DIS3L2: variants seen among roughly 807,000 people sequenced by gnomAD.
The protein encoded by DIS3L2 is DIS3 like 3'-5' exoribonuclease 2.
Under a neutral mutation model 97.5 loss-of-function variants are expected in DIS3L2, and 34 were observed. That is an observed-to-expected ratio of 0.35 (90% confidence interval 0.27 to 0.46). The LOEUF is 0.46. DIS3L2 is among the 20% of genes least tolerant of loss of function. The probability of loss-of-function intolerance (pLI) is 1.00; values close to 1 mark genes in which losing one functional copy is unlikely to be tolerated. For synonymous variants in DIS3L2, 435 were observed against 445.2 expected, an observed-to-expected ratio of 0.98 and a Z score of 0.29; for missense variants, 1,038 against 1,146.0, an observed-to-expected ratio of 0.91 and a Z score of 1.36.
At chr2:232,205,482 T>G (rs774675402) in intron 9 of DIS3L2, among the ~76,000 whole-genome samples, 4 of 152,002 alleles carry the variant, frequency 2.6e-5, no homozygotes, top group African/African-American at 4.8e-5. Flanking sequence ...TTGTATTTGT[T>G]GTAGAAACAG....
In DIS3L2 at chr2:232,031,466, T is replaced by C. The variant is rs140268019; in HGVS notation, c.366+1386T>C. Among the ~76,000 whole-genome samples the C allele has an allele frequency of 5.4e-3, 825 of 152,004 alleles. 5 individuals carry two copies. Among genetic ancestry groups the C allele is most frequent in the African/African-American group, 0.017 (719 of 41,470 alleles). On this transcript the variant is annotated intron_variant, in intron 5 of 20. Transcript: ENST00000325385. ...CACACTTATACAAATTTAAGTGTAA[T>C]TTTTATTAGTGCTGTGAAGTGCAGG...
intron 13 of DIS3L2, among the ~76,000 whole-genome samples, chr2:232,287,010 G>A (rs1303020121): frequency 6.6e-6 from 1 of 152,124 alleles, no homozygotes; most frequent in Non-Finnish European, 1.5e-5. Context: ...TGTCAAAGGT[G>A]TTTCCCTGGC....
chr2:232,023,778 A>T (rs951801009), intron 3 of DIS3L2, among the ~76,000 whole-genome samples: 1 of 152,190 alleles, frequency 6.6e-6, no homozygotes, highest in Admixed American at 6.6e-5. Flanking sequence ...GGGCCAGAGT[A>T]AAAAATAATG....
intron 10 of DIS3L2, among the ~76,000 whole-genome samples, chr2:232,222,659 G>T (rs928859438): frequency 6.6e-6 from 1 of 152,000 alleles, no homozygotes; most frequent in Admixed American, 6.6e-5. Context: ...TTACAACATG[G>T]TTTCACCATG....
chr2:231,979,663 T>A (rs1693194873), intron 1 of DIS3L2, among the ~76,000 whole-genome samples: 2 of 151,614 alleles, frequency 1.3e-5, no homozygotes, highest in Non-Finnish European at 2.9e-5. Context: ...CTGCAACCTC[T>A]GCCTCCTGGG....
At chr2:232,220,970 C>T (rs573833538) in intron 10 of DIS3L2, among the ~76,000 whole-genome samples, 12 of 151,730 alleles carry the variant, frequency 7.9e-5, no homozygotes, top group Admixed American at 3.3e-4. Flanking sequence ...GGTGTGCTGG[C>T]ACATACCTGT....
chr2:232,307,531 G>T (rs1695020405), intron 14 of DIS3L2: 1 of 151,980 alleles, frequency 6.6e-6, no homozygotes. Context: ...TTTTTTGCCG[G>T]GTAGTGAAGA....
chr2:232,295,074 A>G (rs562130088), intron 13 of DIS3L2, among the ~76,000 whole-genome samples: 4 of 152,190 alleles, frequency 2.6e-5, no homozygotes, highest in East Asian at 3.9e-4. Context: ...GCTTGGACCA[A>G]CCTAACTTTC....
chr2:232,010,293 T>C (rs886808651), intron 1 of DIS3L2, among the ~76,000 whole-genome samples: 4 of 152,180 alleles, frequency 2.6e-5, no homozygotes, highest in Non-Finnish European at 5.9e-5. Flanking sequence ...ATCTTTCATC[T>C]CTGTGTGTCT....
At chr2:232,090,761 T>G (rs1237567057) in intron 6 of DIS3L2, among the ~76,000 whole-genome samples, 1 of 152,222 alleles carries the variant, frequency 6.6e-6, no homozygotes, top group Non-Finnish European at 1.5e-5. Context: ...AGTGTTTTTT[T>G]GTTTGTTTTT....
At chr2:232,185,849 C>CAA (rs71056259) in intron 9 of DIS3L2, among the ~76,000 whole-genome samples, 4 of 102,290 alleles carry the variant, frequency 3.9e-5, no homozygotes, top group Non-Finnish European at 8.2e-5. Context: ...GACTTCGTCT[C>CAA]AAAAAAAAAA....
chr2:232,200,734 C>G (rs1559728763), intron 9 of DIS3L2, among the ~76,000 whole-genome samples: 1 of 150,088 alleles, frequency 6.7e-6, no homozygotes, highest in Non-Finnish European at 1.5e-5. Context: ...ATGATTCATT[C>G]AGGCAAAAGT....
chr2:232,329,785 T>TGCCCGGGGGGGGGCCC, intron 14 of DIS3L2, 28 bp from the exon 15 acceptor site: 307 of 967,032 alleles, frequency 3.2e-4, no homozygotes, highest in Non-Finnish European at 3.9e-4. Context: ...ACCCCAGCGG[T>TGCCCGGGGGGGGGCCC]CCCTCCCATC....
At chr2:232,095,376 T>G (rs948634294) in intron 6 of DIS3L2, among the ~76,000 whole-genome samples, 2 of 152,196 alleles carry the variant, frequency 1.3e-5, no homozygotes, top group African/African-American at 4.8e-5. Context: ...CTTTAACCCA[T>G]TATTTGAAAC....
chr2:231,970,825 T>TTATA (rs74842101), intron 1 of DIS3L2, among the ~76,000 whole-genome samples: 2 of 151,916 alleles, frequency 1.3e-5, no homozygotes, highest in East Asian at 3.9e-4. Flanking sequence ...TTTAATTTTT[T>TTATA]ATATTTTGAT....
In DIS3L2 at chr2:232,325,003, A is replaced by G. The variant is rs1416688805; in HGVS notation, c.1740-4810A>G. Reference sequence around the variant, plus strand: ...CCACAGATGCCCTGGATCCCTGACTATCAAAACCCAGCCCCAGCCTTTCAG... The same window carrying G: ...CCACAGATGCCCTGGATCCCTGACTGTCAAAACCCAGCCCCAGCCTTTCAG... On this transcript the variant is annotated intron_variant, in intron 14 of 20. Transcript: ENST00000325385. The surrounding 1 kb of genome is among the most constrained non-coding windows in gnomAD (Gnocchi z 4.6). Among the ~76,000 whole-genome samples, 1 of 152,178 alleles carries G rather than the reference A, an allele frequency of 6.6e-6. No individual in the cohort carries two copies. The highest frequency in any genetic ancestry group is 2.4e-5 in the African/African-American group (1 of 41,438).
intron 3 of DIS3L2, 35 bp from the exon 4 acceptor site, chr2:232,024,242 C>G (rs1176640724): frequency 2.0e-6 from 3 of 1,478,278 alleles, no homozygotes; most frequent in African/African-American, 2.8e-5. Flanking sequence ...AAATATATAG[C>G]TAGATTTTCA....
intron 13 of DIS3L2, among the ~76,000 whole-genome samples, chr2:232,342,915 C>T (rs1352034392): frequency 4.6e-5 from 7 of 152,078 alleles, no homozygotes; most frequent in Admixed American, 4.6e-4. Flanking sequence ...GAGTGTGCCC[C>T]AGCCCTTGCT....
chr2:232,106,102 A>G (rs925612434), intron 6 of DIS3L2, among the ~76,000 whole-genome samples: 1 of 151,984 alleles, frequency 6.6e-6, no homozygotes, highest in African/African-American at 2.4e-5. Flanking sequence ...CAGTCCATCT[A>G]CTGATCCCAC....
Sources: gnomAD v4.1 joint callset for allele counts (sites outside exome capture counted in the v4.1 genomes callset) on GRCh38, gnomAD v4.1.1 for gene constraint, Gnocchi (gnomAD v3.1) non-coding constraint, MANE v1.5 for transcripts, NCBI Gene and HGNC (gene_info 2026-07-23, HGNC 2026-07-21) for gene names.